DSE: variants seen among roughly 807,000 people sequenced by gnomAD.
DSE encodes dermatan sulfate epimerase, also known as dermatan-sulfate epimerase.
In DSE, 36 loss-of-function variants were observed where a neutral mutation model predicts 84.4. The ratio of observed to expected loss-of-function variants is 0.43; its 90% CI spans 0.33 to 0.56. DSE has a LOEUF of 0.56. Among genes scored for constraint, DSE ranks in the 20% least tolerant of loss-of-function variants. The pLI is 0.06. For synonymous variants in DSE, 410 were observed against 430.1 expected, an observed-to-expected ratio of 0.95 and a Z score of 0.58; for missense variants, 862 against 1,169.6, an observed-to-expected ratio of 0.74 and a Z score of 3.84.
intron 2 of DSE, among the ~76,000 whole-genome samples, chr6:116,275,983 C>G (rs1773124078): frequency 6.6e-6 from 1 of 152,172 alleles, no homozygotes; most frequent in African/African-American, 2.4e-5. Flanking sequence ...TCAGTCCTTC[C>G]CCAGTTCCCC....
intron 2 of DSE, among the ~76,000 whole-genome samples, chr6:116,423,971 C>G (rs982107341): frequency 6.6e-6 from 1 of 152,134 alleles, no homozygotes; most frequent in Non-Finnish European, 1.5e-5. Context: ...CAGAAATTTG[C>G]ATAACATTTC....
rs1021415131 is a variant in DSE at position 116,441,380 on chromosome 6, C to T, written c.*4035C>T. On this transcript the variant is annotated 3_prime_UTR_variant, in exon 6 of 6. Transcript: ENST00000644252. ...ATTGAAAAAGTATAGTACTAGAAGCCTTATTTAAAAAACAAAACAATAAAT... is the reference window on the plus strand; with the variant it reads ...ATTGAAAAAGTATAGTACTAGAAGCTTTATTTAAAAAACAAAACAATAAAT... 1 of 152,100 alleles carries T rather than the reference C, an allele frequency of 6.6e-6. No homozygotes were observed. Among genetic ancestry groups the T allele is most frequent in the African/African-American group, 2.4e-5 (1 of 41,404 alleles). The allele number at this position is 152,100 out of a possible 1,614,324, so 9.4% of individuals were successfully genotyped here. A position where few individuals can be genotyped will look rare whatever the true frequency, so the allele number is the denominator to read the frequency against.
intron 2 of DSE, among the ~76,000 whole-genome samples, chr6:116,299,498 TTATTTTTATATATA>T (rs1357309247): frequency 4.4e-5 from 1 of 22,668 alleles, no homozygotes; most frequent in African/African-American, 7.3e-5. Context: ...GCTTCTTGAA[TTATTTTTATATATA>T]TATATATATA....
chr6:116,359,646 C>A (rs182403581), intron 2 of DSE, among the ~76,000 whole-genome samples: 1 of 152,146 alleles, frequency 6.6e-6, no homozygotes, highest in Non-Finnish European at 1.5e-5. Flanking sequence ...TATTCTTTCA[C>A]ACTCAGAATA....
At chr6:116,263,278 G>A (rs1402752964) in intron 2 of DSE, among the ~76,000 whole-genome samples, 1 of 152,132 alleles carries the variant, frequency 6.6e-6, no homozygotes, top group Non-Finnish European at 1.5e-5. Context: ...CTTGCTTTAT[G>A]AATCTGGGTG....
intron 2 of DSE, among the ~76,000 whole-genome samples, chr6:116,284,761 TA>T (rs1773775605): frequency 6.8e-6 from 1 of 147,068 alleles, no homozygotes; most frequent in Non-Finnish European, 1.5e-5. Context: ...TGAGTGATAA[TA>T]TGCAGTGTTT....
chr6:116,334,080 G>A (rs1240388149), intron 2 of DSE, among the ~76,000 whole-genome samples: 5 of 152,106 alleles, frequency 3.3e-5, no homozygotes, highest in African/African-American at 4.8e-5. Flanking sequence ...AGTGAACATT[G>A]TCGTACTAAT....
At chr6:116,328,252 G>C (rs1000496907) in intron 2 of DSE, among the ~76,000 whole-genome samples, 1 of 152,162 alleles carries the variant, frequency 6.6e-6, no homozygotes, top group South Asian at 2.1e-4. Context: ...ATTCAATGCT[G>C]TTTTTTCCAG....
At chr6:116,358,058 C>G (rs1583082534) in intron 2 of DSE, among the ~76,000 whole-genome samples, 1 of 152,204 alleles carries the variant, frequency 6.6e-6, no homozygotes, top group South Asian at 2.1e-4. Flanking sequence ...GAAATACTTT[C>G]AATTTCAGTC....
At chr6:116,338,120 C>T (rs1381217592) in intron 2 of DSE, among the ~76,000 whole-genome samples, 1 of 151,710 alleles carries the variant, frequency 6.6e-6, no homozygotes, top group East Asian at 1.9e-4. Flanking sequence ...ATGTTTGATA[C>T]TCCGAATAAC....
intron 2 of DSE, among the ~76,000 whole-genome samples, chr6:116,425,965 T>C (rs1410305367): frequency 6.6e-6 from 1 of 152,198 alleles, no homozygotes; most frequent in Admixed American, 6.5e-5. Flanking sequence ...GGCAGTGCAG[T>C]TCAGTTTATG....
At chr6:116,378,489 T>C (rs1437271576) in intron 1 of DSE, among the ~76,000 whole-genome samples, 1 of 152,192 alleles carries the variant, frequency 6.6e-6, no homozygotes, top group East Asian at 1.9e-4. Context: ...ATTGACTGGT[T>C]AAATATTGAT....
chr6:116,357,643 T>C (rs181837809), intron 2 of DSE, among the ~76,000 whole-genome samples: 1 of 152,298 alleles, frequency 6.6e-6, no homozygotes, highest in East Asian at 1.9e-4. Flanking sequence ...TAATAAAATA[T>C]GTAAGAACTT....
intron 1 of DSE, among the ~76,000 whole-genome samples, chr6:116,395,324 C>T (rs1460459348): frequency 6.6e-6 from 1 of 152,102 alleles, no homozygotes; most frequent in African/African-American, 2.4e-5. Context: ...ACTGGGGAGG[C>T]TGAGGCAGGA....
At chr6:116,255,657 G>A (rs914334332) in intron 1 of DSE, 1 of 152,112 alleles carries the variant, frequency 6.6e-6, no homozygotes, top group Non-Finnish European at 1.5e-5. Flanking sequence ...CATAAACAGC[G>A]TGCTATAATT....
Position 116,441,016 on chromosome 6 carries a change from C to G in DSE, c.*3671C>G, listed in dbSNP as rs1244324883. ...TTTCATGTTGAGAAGTAGTTTCTTTCTGCAGTTTATTTAATTTACTGGCAA... is the reference window on the plus strand; with the variant it reads ...TTTCATGTTGAGAAGTAGTTTCTTTGTGCAGTTTATTTAATTTACTGGCAA... On this transcript the variant is annotated 3_prime_UTR_variant, in exon 6 of 6. Coordinates refer to ENST00000644252, the MANE Select transcript of DSE (RefSeq NM_013352.4). 3.9e-5 allele frequency: 6 copies of G among 152,228 alleles called. No individual in the cohort carries two copies. In the East Asian group the frequency reaches 1.2e-3, roughly 29 times the overall value. The allele number at this position is 152,228 out of a possible 1,614,324, so 9.4% of individuals were successfully genotyped here.
chr6:116,374,116 G>A (rs1779777767), intron 1 of DSE, among the ~76,000 whole-genome samples: 1 of 151,552 alleles, frequency 6.6e-6, no homozygotes, highest in African/African-American at 2.4e-5. Context: ...GCTTACTTCT[G>A]CCATGTGTAG....
intron 2 of DSE, among the ~76,000 whole-genome samples, chr6:116,342,302 T>C (rs1777652549): frequency 1.5e-5 from 2 of 137,440 alleles, no homozygotes. Flanking sequence ...TTTTTCGAGA[T>C]GGAGTCTTGC....
intron 2 of DSE, among the ~76,000 whole-genome samples, chr6:116,301,711 A>G (rs1007387389): frequency 6.6e-6 from 1 of 152,176 alleles, no homozygotes; most frequent in East Asian, 1.9e-4. Context: ...AGGTATACAC[A>G]TGCCATGGTG....
Sources: allele counts gnomAD v4.1 joint callset (sites outside exome capture counted in the v4.1 genomes callset), GRCh38; gene constraint gnomAD v4.1.1; transcripts MANE v1.5; gene names NCBI Gene and HGNC (gene_info 2026-07-23, HGNC 2026-07-21).